Variants in CFAP95 observed in about 807,000 individuals in gnomAD.
CFAP95 encodes cilia- and flagella-associated protein 95.
chr9:69,834,720 A>T, the CFAP95 span, among the ~76,000 whole-genome samples: 60 of 152,338 alleles, frequency 3.9e-4, no homozygotes, highest in African/African-American at 1.4e-3. Context: ...AGATGACTTC[A>T]CTTATCTGTC....
the CFAP95 span, among the ~76,000 whole-genome samples, chr9:69,828,599 C>T: frequency 4.6e-5 from 7 of 152,266 alleles, no homozygotes; most frequent in South Asian, 1.2e-3. Context: ...GAGAGGATCG[C>T]TGGAGCATGG....
chr9:69,844,694 G>A, the CFAP95 span: 10 of 1,177,788 alleles, frequency 8.5e-6, no homozygotes, highest in East Asian at 1.7e-4. Flanking sequence ...AAAGGTAAAG[G>A]GAGGAGTGTT....
chr9:69,895,727 G>A, the CFAP95 span, among the ~76,000 whole-genome samples: 177 of 152,228 alleles, frequency 1.2e-3, no homozygotes, highest in African/African-American at 4.1e-3. Flanking sequence ...TTTTAGAGTT[G>A]TATTCTTTTA....
the CFAP95 span, among the ~76,000 whole-genome samples, chr9:69,898,187 G>T: frequency 1.3e-5 from 2 of 152,078 alleles, no homozygotes; most frequent in African/African-American, 4.8e-5. Flanking sequence ...GCTACTCTGG[G>T]TTAGGCTTCT....
chr9:69,901,766 T>C, the CFAP95 span, among the ~76,000 whole-genome samples: 1 of 152,204 alleles, frequency 6.6e-6, no homozygotes, highest in Non-Finnish European at 1.5e-5. Context: ...ATCGCCACAC[T>C]GACTTCCACA....
chr9:69,865,348 A>G, the CFAP95 span, among the ~76,000 whole-genome samples: 1 of 152,216 alleles, frequency 6.6e-6, no homozygotes, highest in African/African-American at 2.4e-5. Context: ...AAAAACAAAA[A>G]TATGCAAAGA....
chr9:69,882,231 C>T, the CFAP95 span, among the ~76,000 whole-genome samples: 3 of 152,144 alleles, frequency 2.0e-5, no homozygotes, highest in Admixed American at 2.0e-4. Flanking sequence ...ATCCACCCAC[C>T]TGGCCTCCTA....
At chr9:69,873,097 G>T in the CFAP95 span, among the ~76,000 whole-genome samples, 9 of 152,116 alleles carry the variant, frequency 5.9e-5, no homozygotes, top group Non-Finnish European at 1.2e-4. Context: ...AACAACAAGG[G>T]TCGTTTTGGA....
the CFAP95 span, among the ~76,000 whole-genome samples, chr9:69,859,680 G>A: frequency 1.7e-4 from 26 of 152,250 alleles, no homozygotes; most frequent in African/African-American, 5.3e-4. Flanking sequence ...GTCATGCATC[G>A]CATAATGTCG....
the CFAP95 span, among the ~76,000 whole-genome samples, chr9:69,900,008 G>C: frequency 6.6e-6 from 1 of 152,056 alleles, no homozygotes; most frequent in Non-Finnish European, 1.5e-5. Flanking sequence ...GACTTACGAT[G>C]GTTCAACTTA....
the CFAP95 span, among the ~76,000 whole-genome samples, chr9:69,859,803 T>C: frequency 1.3e-5 from 2 of 152,204 alleles, no homozygotes; most frequent in Admixed American, 1.3e-4. Flanking sequence ...GGCTAGATGG[T>C]AAAATCCATT....
chr9:69,831,780 C>A, the CFAP95 span, among the ~76,000 whole-genome samples: 1 of 152,124 alleles, frequency 6.6e-6, no homozygotes, highest in Non-Finnish European at 1.5e-5. Flanking sequence ...AGCAGTACTA[C>A]CCTTTCCCCA....
chr9:69,894,997 A>AAG, the CFAP95 span, among the ~76,000 whole-genome samples: 2 of 140,274 alleles, frequency 1.4e-5, no homozygotes, highest in African/African-American at 2.6e-5. Flanking sequence ...TCTCAAAAAA[A>AAG]AAGAAAAAAA....
chr9:69,865,797 G>A, the CFAP95 span, among the ~76,000 whole-genome samples: 1 of 152,034 alleles, frequency 6.6e-6, no homozygotes, highest in South Asian at 2.1e-4. Context: ...GTTTGAGTTG[G>A]GTTTCTATAA....
chr9:69,906,222 G>A, the CFAP95 span: 1 of 1,140,828 alleles, frequency 8.8e-7, no homozygotes, highest in Non-Finnish European at 1.2e-6. Flanking sequence ...TGCAATGGAA[G>A]TGTTACTATA....
the CFAP95 span, among the ~76,000 whole-genome samples, chr9:69,903,314 C>T: frequency 3.3e-5 from 5 of 152,226 alleles, no homozygotes; most frequent in East Asian, 7.7e-4. Flanking sequence ...AAATGCCTAA[C>T]ACTGAACCTA....
chr9:69,889,948 A>G, the CFAP95 span, among the ~76,000 whole-genome samples: 1 of 152,146 alleles, frequency 6.6e-6, no homozygotes, highest in Non-Finnish European at 1.5e-5. Context: ...GAAACTAGGG[A>G]AACTGCCAAA....
At chr9:69,869,991 T>C in the CFAP95 span, among the ~76,000 whole-genome samples, 4 of 152,154 alleles carry the variant, frequency 2.6e-5, no homozygotes, top group Non-Finnish European at 2.9e-5. Context: ...GTTACAGAGG[T>C]GGCTTCACAG....
At chr9:69,821,317 A>G in the CFAP95 span, among the ~76,000 whole-genome samples, 1 of 152,090 alleles carries the variant, frequency 6.6e-6, no homozygotes, top group Non-Finnish European at 1.5e-5. Context: ...AGAGTGGGAG[A>G]GAGGGTTGGA....
Sources: allele counts gnomAD v4.1 joint callset (sites outside exome capture counted in the v4.1 genomes callset), GRCh38; gene constraint gnomAD v4.1.1; transcripts MANE v1.5; gene names NCBI Gene and HGNC (gene_info 2026-07-23, HGNC 2026-07-21).